Variants in SPATA22 observed in about 807,000 individuals in gnomAD.
The protein encoded by SPATA22 is spermatogenesis associated 22.
Under a neutral mutation model 47.8 loss-of-function variants are expected in SPATA22, and 29 were observed. The ratio of observed to expected loss-of-function variants is 0.61; its 90% CI spans 0.45 to 0.83. The LOEUF (loss-of-function observed/expected upper bound fraction) is 0.83. Ranked by LOEUF, SPATA22 falls within the 40% of genes least tolerant of loss-of-function variation. The pLI is 0.00. For synonymous variants in SPATA22, 133 were observed against 140.9 expected (o/e 0.94, Z 0.40); for missense variants, 410 against 421.7 (o/e 0.97, Z 0.24).
intron 3 of SPATA22, 64 bp from the exon 4 acceptor site, chr17:3,462,831 C>T: frequency 7.9e-7 from 1 of 1,269,466 alleles, no homozygotes; most frequent in Non-Finnish European, 1.1e-6. Flanking sequence ...ATGATAAATT[C>T]ATACTTATTT....
intron 3 of SPATA22, among the ~76,000 whole-genome samples, chr17:3,464,106 G>A (rs540168036): frequency 8.2e-4 from 122 of 148,512 alleles, no homozygotes; most frequent in African/African-American, 2.5e-3. Flanking sequence ...TCACCCTGCC[G>A]AGTGCCTGCG....
intron 3 of SPATA22, among the ~76,000 whole-genome samples, chr17:3,464,702 C>A (rs1423957647): frequency 2.4e-4 from 36 of 149,968 alleles, no homozygotes; most frequent in Non-Finnish European, 3.0e-4. Flanking sequence ...AGCGTCTCTG[C>A]CCAGCCGCCC....
At chr17:3,444,352 C>T (rs756036322) in intron 7 of SPATA22, among the ~76,000 whole-genome samples, 2 of 151,950 alleles carry the variant, frequency 1.3e-5, no homozygotes, top group South Asian at 2.1e-4. Context: ...TACTCAACTA[C>T]GTAGTTCAGG....
At chr17:3,451,633 T>C (rs2072861935) in intron 5 of SPATA22, among the ~76,000 whole-genome samples, 1 of 152,008 alleles carries the variant, frequency 6.6e-6, no homozygotes, top group Non-Finnish European at 1.5e-5. Context: ...GGTATAAAAC[T>C]AGAAATCAAT....
upstream of SPATA22, chr17:3,473,996 G>GT (rs1168006785): frequency 2.0e-5 from 3 of 152,136 alleles, no homozygotes; most frequent in African/African-American, 7.2e-5. Context: ...AAAAAGTGTG[G>GT]TTTTTTGGGT....
At position 3,455,298 on chromosome 17, in the gene SPATA22, C is replaced by A. The variant is rs982309513; in HGVS notation, c.330-6149G>T. On this transcript the variant is annotated intron_variant, in intron 5 of 8. Coordinates refer to ENST00000572969, the MANE Select transcript of SPATA22 (RefSeq NM_001170698.2). ...TTGCTGTGCAGAAGCTCTTTAGTTT[C>A]ATTAGATCCCATTTGTCGATTTTGT... 3.8e-4 allele frequency among the ~76,000 whole-genome samples: 58 copies of A among 152,060 alleles called. 2 individuals carry two copies. In the South Asian group the frequency reaches 9.2e-3, roughly 24 times the overall value.
intron 6 of SPATA22, among the ~76,000 whole-genome samples, chr17:3,447,876 A>G (rs2072762830): frequency 6.6e-6 from 1 of 152,194 alleles, no homozygotes; most frequent in Non-Finnish European, 1.5e-5. Context: ...GACCTCTAGC[A>G]AAAGCCAGCA....
Position 3,469,354 on chromosome 17 carries a change from C to G in SPATA22, c.-29G>C. ...CTTCAATATCAAAATCTATAATTTT[C>G]TATTCAGCATTCCAAATTTATAATA... On this transcript the variant is annotated 5_prime_UTR_variant, in exon 2 of 9. Coordinates refer to ENST00000572969, the MANE Select transcript of SPATA22 (RefSeq NM_001170698.2). 1 of 1,529,532 alleles carries G rather than the reference C, an allele frequency of 6.5e-7. No individual in the cohort carries two copies. Among genetic ancestry groups the G allele is most frequent in the Non-Finnish European group, 8.8e-7 (1 of 1,131,266 alleles). The allele number at this position is 1,529,532 out of a possible 1,614,324, so 94.7% of individuals were successfully genotyped here. A position where few individuals can be genotyped will look rare whatever the true frequency, so the allele number is the denominator to read the frequency against.
In SPATA22 at chr17:3,443,245, C is replaced by T; in HGVS notation, c.829G>A (p.Gly277Ser). The T allele has an allele frequency of 7.5e-6, 12 of 1,610,010 alleles. No homozygotes were observed. The highest frequency in any genetic ancestry group is 1.0e-5 in the Non-Finnish European group (12 of 1,177,818). Residue 277 changes from glycine (G) to serine (S), a missense_variant, in exon 8 of 9, where the codon GGC (glycine) becomes AGC (serine). Gly to Ser is a moderately conservative substitution (Grantham distance 56, BLOSUM62 0). Transcript: ENST00000572969. ...LAVLDSAVTP[G>S]PYYSKTFLMR... is the part of the protein sequence containing the mutation. ...AGAAAAGTCTTCGAATAATATGGGC[C>T]AGGTGTAACAGCTGAATCAAGAACA...
intron 1 of SPATA22, among the ~76,000 whole-genome samples, chr17:3,493,796 T>A (rs2073865238): frequency 6.6e-6 from 1 of 152,098 alleles, no homozygotes; most frequent in African/African-American, 2.4e-5. Flanking sequence ...TCCTGACCCC[T>A]AAACCTAGAT....
intron 1 of SPATA22, among the ~76,000 whole-genome samples, chr17:3,491,179 G>A (rs2073818192): frequency 6.6e-6 from 1 of 152,128 alleles, no homozygotes; most frequent in Non-Finnish European, 1.5e-5. Context: ...AAAACATCCT[G>A]GTTGAGAAGG....
intron 1 of SPATA22, chr17:3,494,369 C>G: frequency 6.2e-7 from 1 of 1,611,172 alleles, no homozygotes; most frequent in Non-Finnish European, 8.5e-7. Context: ...TTCCTCCCTG[C>G]GCCATTGAGG....
chr17:3,497,100 T>C (rs923621774), intron 1 of SPATA22, among the ~76,000 whole-genome samples: 2 of 152,110 alleles, frequency 1.3e-5, no homozygotes, highest in Non-Finnish European at 2.9e-5. Flanking sequence ...CTGAGTCCTC[T>C]TCCCAGGGGC....
chr17:3,508,339 T>C (rs2150771101), intron 1 of SPATA22, among the ~76,000 whole-genome samples: 1 of 151,636 alleles, frequency 6.6e-6, no homozygotes, highest in East Asian at 2.0e-4. Context: ...GAAGTCAGTG[T>C]GGCGATTCCT....
chr17:3,478,194 A>AT (rs1336526615), intron 1 of SPATA22, among the ~76,000 whole-genome samples: 8,960 of 151,044 alleles, frequency 0.059, 313 homozygotes, highest in African/African-American at 0.078. Context: ...CAAAAAAAAA[A>AT]ATATATATAT....
chr17:3,471,436 A>G (rs1382834250), intron 1 of SPATA22: 5 of 985,284 alleles, frequency 5.1e-6, no homozygotes, highest in Middle Eastern at 5.2e-4. Flanking sequence ...TTTACCCCCA[A>G]TCCCAGCTCC....
In SPATA22 at chr17:3,498,501, C is replaced by G. The variant is rs1240761658; in HGVS notation, c.-74+14911G>C. 2.6e-5 allele frequency among the ~76,000 whole-genome samples: 4 copies of G among 152,200 alleles called. No homozygotes were observed. In the East Asian group the frequency reaches 7.7e-4, roughly 29 times the overall value. On this transcript the variant is annotated intron_variant, in intron 1 of 8. Transcript: ENST00000541913. Reference sequence around the variant, plus strand: ...TATCTGGGACTACAGGCATGCACCACCACACCCAGCTAATTTTTCGTATTT... The same window carrying G: ...TATCTGGGACTACAGGCATGCACCAGCACACCCAGCTAATTTTTCGTATTT...
chr17:3,462,931 C>A (rs1363176461), intron 3 of SPATA22, among the ~76,000 whole-genome samples, 164 bp from the exon 4 acceptor site: 1 of 152,150 alleles, frequency 6.6e-6, no homozygotes, highest in Non-Finnish European at 1.5e-5. Flanking sequence ...TCACAGCCTG[C>A]TTTATTAATT....
rs1263945961 is a variant in SPATA22, at chr17:3,485,162, G to C, written c.-73-15764C>G. Among the ~76,000 whole-genome samples, 5 of 152,102 alleles carry C rather than the reference G, an allele frequency of 3.3e-5. No homozygotes were observed. The East Asian group carries it at 9.6e-4, about 29-fold the overall frequency. On this transcript the variant is annotated intron_variant, in intron 1 of 8. Transcript: ENST00000541913. The surrounding 1 kb of genome is among the most constrained non-coding windows in gnomAD (Gnocchi z 4.4). ...GCCTCCCAAGTAGCTTGAACTACAG[G>C]CACGTGCCACCACATTCAGCTAATT...
Sources: gnomAD v4.1 joint callset for allele counts (sites outside exome capture counted in the v4.1 genomes callset) on GRCh38, gnomAD v4.1.1 for gene constraint, Gnocchi (gnomAD v3.1) non-coding constraint, MANE v1.5 for transcripts, NCBI Gene and HGNC (gene_info 2026-07-23, HGNC 2026-07-21) for gene names.